The following BCL6 variants were observed in gnomAD, a reference collection of about 807,000 sequenced individuals.
BCL6 encodes the protein BCL6 transcription repressor.
In BCL6, 7 loss-of-function variants were observed where a neutral mutation model predicts 59.5. The ratio of observed to expected loss-of-function variants is 0.12; its 90% CI spans 0.07 to 0.22. The LOEUF is 0.22. BCL6 is among the 10% of genes least tolerant of loss of function. BCL6 has a pLI of 1.00. For missense variants in BCL6, 685 were observed against 939.4 expected, an observed-to-expected ratio of 0.73 and a Z score of 3.54; for synonymous variants, 339 against 349.7, an observed-to-expected ratio of 0.97 and a Z score of 0.34.
At chr3:187,744,866 T>G (rs1576885753) in intron 1 of BCL6, among the ~76,000 whole-genome samples, 2 of 151,968 alleles carry the variant, frequency 1.3e-5, no homozygotes, top group East Asian at 1.9e-4. Context: ...GCCGCACGAA[T>G]CCAGAGAGAT....
In BCL6 at chr3:187,729,217, C is replaced by T. The variant is rs1456911030; in HGVS notation, c.1188G>A (p.Glu396=). The change falls in exon 5 of 10, where the codon GAG becomes GAA. Residue 396 remains glutamate (E), a synonymous_variant. Coordinates refer to ENST00000406870, the MANE Select transcript of BCL6 (RefSeq NM_001706.5). This position sits in a 1 kb window ranked among gnomAD's most constrained non-coding sequence, Gnocchi z 5.6. Reference sequence around the variant, plus strand: ...GGGAAAGGCGGCCCAGCTCAGCCTGCTCAGGCCCCTCTGGTTTGGCATTCT... The same window carrying T: ...GGGAAAGGCGGCCCAGCTCAGCCTGTTCAGGCCCCTCTGGTTTGGCATTCT... ...LNQNAKPEGP[E]QAELGRLSPR... is the part of the protein sequence containing the mutation. 1 of 1,614,108 alleles carries T rather than the reference C, an allele frequency of 6.2e-7. No individual in the cohort carries two copies. The highest frequency in any genetic ancestry group is 8.5e-7 in the Non-Finnish European group (1 of 1,180,006).
chr3:187,731,569 A>G lies in BCL6; in HGVS notation c.383+140T>C, dbSNP rs900958837. The stretch of plus-strand genomic sequence containing the variant: ...CTGGGGCACAAGAGTTAAGAAGAGC[A>G]GAAGTGTGCAACAAGAGTGGAAATG... On this transcript the variant is annotated intron_variant, in intron 4 of 9. Transcript: ENST00000406870. 3.7e-6 allele frequency: 3 copies of G among 819,422 alleles called. No homozygotes were observed. The African/African-American group carries it at 5.1e-5, about 14-fold the overall frequency. 50.8% of individuals were successfully genotyped at this position (819,422 alleles called of 1,614,324 possible). A position where few individuals can be genotyped will look rare whatever the true frequency, so the allele number is the denominator to read the frequency against.
chr3:187,722,533 G>A lies in BCL6; in HGVS notation c.2046C>T (p.Gly682=), dbSNP rs142355235. ...ATTGCACCTTGGTGTTGGTGATGGC[G>A]CCATGCTTCTGGCGCAAGTGAAGTC... ...QLRLHLRQKH[G]AITNTKVQYR... Residue 682 remains glycine, a synonymous_variant, in exon 10 of 10, where the codon GGC becomes GGT. Coordinates refer to ENST00000406870, the MANE Select transcript of BCL6 (RefSeq NM_001706.5). The A allele has an allele frequency of 2.5e-5, 40 of 1,614,056 alleles. No individual in the cohort carries two copies. Among genetic ancestry groups the A allele is most frequent in the African/African-American group, 1.2e-4 (9 of 75,054 alleles).
chr3:187,729,434 T>C lies in BCL6; in HGVS notation c.971A>G (p.Asn324Ser). ...LHFEPPNAPL[N>S]RKGLVSPQSP... Reference sequence around the variant, plus strand: ...CTGTGGACTAACCAGACCCTTCCGGTTCAGGGGTGCATTGGGGGGCTCGAA... The same window carrying C: ...CTGTGGACTAACCAGACCCTTCCGGCTCAGGGGTGCATTGGGGGGCTCGAA... Residue 324 changes from asparagine (N) to serine (S), a missense_variant, in exon 5 of 10, where the codon AAC (asparagine) becomes AGC (serine). Transcript: ENST00000406870. This position sits in a 1 kb window ranked among gnomAD's most constrained non-coding sequence, Gnocchi z 5.6. 1 of 1,610,364 alleles carries C rather than the reference T, an allele frequency of 6.2e-7. No individual in the cohort carries two copies. The highest frequency in any genetic ancestry group is 8.5e-7 in the Non-Finnish European group (1 of 1,177,900).
intron 1 of BCL6, among the ~76,000 whole-genome samples, chr3:187,735,225 A>C (rs141025435): frequency 2.0e-5 from 3 of 152,348 alleles, no homozygotes; most frequent in Non-Finnish European, 4.4e-5. Flanking sequence ...AGGCCACTAG[A>C]GTTTATGGGA....
At chr3:187,730,667 C>A (rs1254966649) in intron 4 of BCL6, among the ~76,000 whole-genome samples, 2 of 152,194 alleles carry the variant, frequency 1.3e-5, no homozygotes, top group Non-Finnish European at 2.9e-5. Context: ...GCCAGTTACT[C>A]AGCCATTCTA....
At chr3:187,745,383 A>G (rs776595564) in intron 1 of BCL6, 27 bp downstream of exon 1, 23 of 402,678 alleles carry the variant, frequency 5.7e-5, no homozygotes, top group South Asian at 3.6e-4. Flanking sequence ...TAGCAGCAGC[A>G]GCGGCGGCAG....
Position 187,733,612 on chromosome 3 carries a change from G to C in BCL6, c.82C>G (p.Arg28Gly), listed in dbSNP as rs11545363. Residue 28 changes from arginine to glycine, a missense_variant, in exon 3 of 10, where the codon CGA (arginine) becomes GGA (glycine). Physicochemically the swap from Arg to Gly is moderately radical, Grantham distance 125. This residue lies in a region of BCL6 where 102 missense variants were observed against 176.6 expected (regional missense o/e 0.58). Transcript: ENST00000406870. ...ATGACAACATCAGTCAAGATGTCTC[G>C]ACTCCGGAGACGATTAAGGTTGAGA... is the stretch of plus-strand genomic sequence containing the variant. ...VLLNLNRLRS[R>G]DILTDVVIVV... 1 of 1,613,872 alleles carries C rather than the reference G, an allele frequency of 6.2e-7. No individual in the cohort carries two copies.
At chr3:187,737,255 A>G (rs937570010) in intron 1 of BCL6, 4 of 151,586 alleles carry the variant, frequency 2.6e-5, no homozygotes, top group African/African-American at 9.7e-5. Flanking sequence ...CTCCTTGAGA[A>G]GACAGATCCT....
At chr3:187,728,678 T>C (rs1310817763) in intron 5 of BCL6, 134 bp from the exon 6 acceptor site, 4 of 872,322 alleles carry the variant, frequency 4.6e-6, no homozygotes, top group Non-Finnish European at 6.7e-6. Flanking sequence ...AGAGTTGTCC[T>C]CAAGTTTATC....
chr3:187,733,056 G>A (rs1215685880), intron 3 of BCL6, among the ~76,000 whole-genome samples: 5 of 152,146 alleles, frequency 3.3e-5, no homozygotes, highest in African/African-American at 1.2e-4. Flanking sequence ...TGATAAACAT[G>A]AAGAATCAGC....
chr3:187,728,278 A>G (rs999119851), intron 6 of BCL6, 82 bp downstream of exon 6: 34 of 1,354,524 alleles, frequency 2.5e-5, no homozygotes, highest in Non-Finnish European at 3.0e-5. Flanking sequence ...AGACAACAGC[A>G]TAAGTAAAAT....
rs1718427355 is a variant in BCL6, at chr3:187,721,759, G to T, written c.*699C>A. On this transcript the variant is annotated 3_prime_UTR_variant, in exon 10 of 10. Transcript: ENST00000406870. The surrounding 1 kb of genome is among the most constrained non-coding windows in gnomAD (Gnocchi z 4.2). ...CTTTGTAAATTGTAAACCTTCACTT[G>T]CAAAAAAATACAAATACACTGAGGC... The T allele has an allele frequency of 4.3e-6, 1 of 230,124 alleles. No individual in the cohort carries two copies. Among genetic ancestry groups the T allele is most frequent in the East Asian group, 6.2e-5 (1 of 16,118 alleles). The allele number at this position is 230,124 out of a possible 1,614,324, so 14.3% of individuals were successfully genotyped here. A position where few individuals can be genotyped will look rare whatever the true frequency, so the allele number is the denominator to read the frequency against.
At position 187,725,694 on chromosome 3, in the gene BCL6, G is replaced by A. The variant is rs1718656203; in HGVS notation, c.1709-65C>T. 4 of 1,593,532 alleles carry A rather than the reference G, an allele frequency of 2.5e-6. No homozygotes were observed. The highest frequency in any genetic ancestry group is 3.4e-6 in the Non-Finnish European group (4 of 1,167,538). On this transcript the variant is annotated intron_variant, in intron 7 of 9. Transcript: ENST00000406870. This position sits in a 1 kb window ranked among gnomAD's most constrained non-coding sequence, Gnocchi z 4.7. ...ATAAGGAAGGTCTCTGCAGTCCGTG[G>A]CTCCTGGATTTCTAAGCAGCCTGCT...
In BCL6 at chr3:187,733,647, C is replaced by T; in HGVS notation, c.47G>A (p.Ser16Asn). 6.2e-7 allele frequency: 1 copy of T among 1,614,122 alleles called. No individual in the cohort carries two copies. The highest frequency in any genetic ancestry group is 8.5e-7 in the Non-Finnish European group (1 of 1,180,016). ...DSCIQFTRHASDVLLNLNRLR... is the reference protein window; with the variant it reads ...DSCIQFTRHANDVLLNLNRLR... ...ACGATTAAGGTTGAGAAGAACATCA[C>T]TGGCATGGCGGGTGAACTGGATACA... Residue 16 changes from serine (S) to asparagine (N), a missense_variant, in exon 3 of 10, where the codon AGT becomes AAT. This residue lies in a region of BCL6 where 102 missense variants were observed against 176.6 expected (regional missense o/e 0.58). Coordinates refer to ENST00000406870, the MANE Select transcript of BCL6 (RefSeq NM_001706.5).
intron 1 of BCL6, chr3:187,737,393 GAGAA>G (rs1201302622): frequency 1.7e-4 from 22 of 130,428 alleles, no homozygotes; most frequent in Non-Finnish European, 2.3e-4. Flanking sequence ...GAGAGAGAGA[GAGAA>G]AATGAGAGAA....
chr3:187,739,721 T>A (rs1711523994), intron 1 of BCL6, among the ~76,000 whole-genome samples: 1 of 152,074 alleles, frequency 6.6e-6, no homozygotes, highest in Non-Finnish European at 1.5e-5. Context: ...CCGAAGACAA[T>A]GCCAGCAAAT....
intron 3 of BCL6, 108 bp downstream of exon 3, chr3:187,733,425 G>A (rs766240369): frequency 4.0e-5 from 52 of 1,310,492 alleles, no homozygotes; most frequent in Non-Finnish European, 5.0e-5. Context: ...GAGACAAAGC[G>A]AGACGTCATC....
chr3:187,744,120 C>T (rs1711750264), intron 1 of BCL6, among the ~76,000 whole-genome samples: 1 of 152,072 alleles, frequency 6.6e-6, no homozygotes, highest in Non-Finnish European at 1.5e-5. Context: ...GAGCTTGCAC[C>T]ATGGGAAAAA....
Sources: allele counts gnomAD v4.1 joint callset (sites outside exome capture counted in the v4.1 genomes callset), GRCh38; gene constraint gnomAD v4.1.1; regional missense constraint gnomAD v4.1.1; non-coding constraint Gnocchi (gnomAD v3.1); transcripts MANE v1.5; gene names NCBI Gene and HGNC (gene_info 2026-07-23, HGNC 2026-07-21).